The following GPRIN3 variants were observed in gnomAD, a reference collection of about 807,000 sequenced individuals.
GPRIN3 encodes the protein G protein-regulated inducer of neurite outgrowth 3.
Under a neutral mutation model 13.7 loss-of-function variants are expected in GPRIN3, and 12 were observed. The ratio of observed to expected loss-of-function variants is 0.87; its 90% CI spans 0.56 to 1.42. GPRIN3 has a LOEUF of 1.42. Among genes scored for constraint, GPRIN3 ranks in the 40% most tolerant of loss-of-function variants. The probability of loss-of-function intolerance (pLI) is 0.00; values close to 1 mark genes in which losing one functional copy is unlikely to be tolerated. For synonymous variants in GPRIN3, 377 were observed against 372.7 expected (o/e 1.01, Z -0.13); for missense variants, 1,009 against 958.7 (o/e 1.05, Z -0.69).
chr4:89,283,616 C>T (rs946973480), intron 1 of GPRIN3, among the ~76,000 whole-genome samples: 4 of 152,150 alleles, frequency 2.6e-5, no homozygotes, highest in East Asian at 1.9e-4. Context: ...TGGTAGAGCT[C>T]GGCATAGGGT....
rs773756446 is a variant in GPRIN3, at chr4:89,248,235, G to A, written c.1876C>T (p.Arg626Cys). The A allele has an allele frequency of 3.7e-5, 59 of 1,614,182 alleles. No individual in the cohort carries two copies. The highest frequency in any genetic ancestry group is 3.3e-4 in the Middle Eastern group (2 of 6,062). ...SPGSGKKTPS[R>C]SVKASPRRPS... ...CTGCGTGGGCTGGCTTTGACGGAGC[G>A]AGATGGGGTCTTCTTGCCAGAACCT... Residue 626 changes from arginine to cysteine, a missense_variant, in exon 2 of 2, where the codon CGC becomes TGC. Arg to Cys is a radical substitution (Grantham distance 180). Coordinates refer to ENST00000609438, the MANE Select transcript of GPRIN3 (RefSeq NM_198281.3).
rs771147221 is a variant in GPRIN3 at position 89,250,103 on chromosome 4, G to A, written c.8C>T (p.Thr3Ile). 1.2e-6 allele frequency: 2 copies of A among 1,611,580 alleles called. No homozygotes were observed. Among genetic ancestry groups the A allele is most frequent in the South Asian group, 2.2e-5 (2 of 90,878 alleles). The change falls in exon 2 of 2, where the codon ACT (threonine) becomes ATT (isoleucine). Residue 3 changes from threonine to isoleucine, a missense_variant. By Grantham distance (89) the Thr-to-Ile change is moderately conservative. Coordinates refer to ENST00000609438, the MANE Select transcript of GPRIN3 (RefSeq NM_198281.3). MGTVPDPLRSAKT... is the reference protein window; with the variant it reads MGIVPDPLRSAKT... ...AGCTGATCTCAGAGGGTCAGGTACAGTCCCCATGGAATTTCTCTTCAGGAG... is the reference window on the plus strand; with the variant it reads ...AGCTGATCTCAGAGGGTCAGGTACAATCCCCATGGAATTTCTCTTCAGGAG...
At chr4:89,252,601 A>C (rs1298615370) in intron 1 of GPRIN3, among the ~76,000 whole-genome samples, 1 of 152,230 alleles carries the variant, frequency 6.6e-6, no homozygotes, top group East Asian at 1.9e-4. Context: ...TTGAAAATAC[A>C]TAATTTTATC....
chr4:89,296,532 A>C (rs149362824), intron 1 of GPRIN3, among the ~76,000 whole-genome samples: 51 of 152,344 alleles, frequency 3.3e-4, no homozygotes, highest in African/African-American at 1.2e-3. Context: ...CTTAACTTTC[A>C]TAAGTAAATG....
intron 1 of GPRIN3, among the ~76,000 whole-genome samples, chr4:89,283,352 A>G (rs2149280501): frequency 6.6e-6 from 1 of 152,296 alleles, no homozygotes; most frequent in South Asian, 2.1e-4. Flanking sequence ...ATTGCTACAG[A>G]TTTCAATGGT....
At position 89,272,018 on chromosome 4, in the gene GPRIN3, G is replaced by T. The variant is rs186666181; in HGVS notation, c.-123-21785C>A. On this transcript the variant is annotated intron_variant, in intron 1 of 1. Transcript: ENST00000609438. ...TCCTTCCCATGTGAGGTTGTGGCAA[G>T]AAGACAGCTGTCAATGAACCAGAAA... 6.3e-3 allele frequency among the ~76,000 whole-genome samples: 953 copies of T among 152,308 alleles called. 18 individuals carry two copies. The highest frequency in any genetic ancestry group is 0.022 in the African/African-American group (897 of 41,562).
chr4:89,281,532 C>A (rs933093733), intron 1 of GPRIN3, among the ~76,000 whole-genome samples: 7 of 152,178 alleles, frequency 4.6e-5, no homozygotes, highest in African/African-American at 1.4e-4. Context: ...GCCCCATGAT[C>A]CAATCACCTC....
chr4:89,279,588 C>T (rs779262009), intron 1 of GPRIN3, among the ~76,000 whole-genome samples: 10 of 152,308 alleles, frequency 6.6e-5, no homozygotes, highest in Non-Finnish European at 1.0e-4. Flanking sequence ...TCTGCTATTC[C>T]GCTGAAACTG....
chr4:89,294,142 G>A (rs1443741794), intron 1 of GPRIN3, among the ~76,000 whole-genome samples: 2 of 152,112 alleles, frequency 1.3e-5, no homozygotes, highest in African/African-American at 4.8e-5. Context: ...TTTGAACTTC[G>A]GCATAATAAT....
chr4:89,238,667 T>C lies in GPRIN3; in HGVS notation c.*9113A>G, dbSNP rs1422986645. The C allele has an allele frequency of 6.6e-6, 1 of 152,250 alleles. No individual in the cohort carries two copies. The highest frequency in any genetic ancestry group is 1.9e-4 in the East Asian group (1 of 5,188). The allele number at this position is 152,250 out of a possible 1,614,324, so 9.4% of individuals were successfully genotyped here. On this transcript the variant is annotated 3_prime_UTR_variant, in exon 2 of 2. Coordinates refer to ENST00000609438, the MANE Select transcript of GPRIN3 (RefSeq NM_198281.3). ...CTCGCGTTTGATGACCAGGAGGAAT[T>C]GTTGATTCTATGGGAATTCTATTTT...
At chr4:89,294,736 A>G (rs1230214777) in intron 1 of GPRIN3, among the ~76,000 whole-genome samples, 1 of 152,206 alleles carries the variant, frequency 6.6e-6, no homozygotes, top group Non-Finnish European at 1.5e-5. Flanking sequence ...TAGAAACTCC[A>G]GCAGGAAACC....
In GPRIN3 at chr4:89,248,849, G is replaced by A. The variant is rs543542846; in HGVS notation, c.1262C>T (p.Ser421Leu). The A allele has an allele frequency of 1.5e-4, 240 of 1,614,174 alleles. 5 individuals are homozygous for A. In the South Asian group the frequency reaches 2.5e-3, roughly 17 times the overall value. ...ATTACTGGAGACCAAATTGATTGAT[G>A]AGGTTTTAAGGACCCCACCTGGTAG... ...ASLPGGVLKT[S>L]SINLVSSNAQ... The change falls in exon 2 of 2, where the codon TCA becomes TTA. Residue 421 changes from serine (S) to leucine (L), a missense_variant. By Grantham distance (145) the Ser-to-Leu change is moderately radical. Coordinates refer to ENST00000609438, the MANE Select transcript of GPRIN3 (RefSeq NM_198281.3).
In GPRIN3 at chr4:89,249,347, G is replaced by T. The variant is rs777441239; in HGVS notation, c.764C>A (p.Ser255Ter). 3.1e-5 allele frequency: 50 copies of T among 1,613,982 alleles called. 1 individual carries two copies. In the South Asian group the frequency reaches 5.3e-4, roughly 17 times the overall value. The change falls in exon 2 of 2, where the codon TCG (serine) becomes TAG (stop). Residue 255 changes from serine (S) to a stop codon, truncating the protein, a stop_gained. Transcript: ENST00000609438. LOFTEE classifies it low-confidence loss of function (END_TRUNC). ...SENKQPSVTA[S>*]GPQGTTSVTP... is the part of the protein sequence containing the mutation. ...CACAGAAGTTGTGCCTTGGGGGCCC[G>T]AGGCAGTGACAGAGGGCTGCTTGTT... is the stretch of plus-strand genomic sequence containing the variant.
At chr4:89,281,130 T>C (rs377429785) in intron 1 of GPRIN3, among the ~76,000 whole-genome samples, 61 of 147,638 alleles carry the variant, frequency 4.1e-4, no homozygotes, top group African/African-American at 1.5e-3. Context: ...AGTTTCATGT[T>C]TTTTTTTTTT....
Position 89,248,362 on chromosome 4 carries a change from G to A in GPRIN3, c.1749C>T (p.Ser583=). ...TGCTCTCCTGGTTCTTCCTAATTGG[G>A]GAGGGTGTAGGATTAGCAGCTGATT... The part of the protein sequence containing the change: ...GTESAANPTP[S]PIRKNQESTL... Residue 583 remains serine, a synonymous_variant, in exon 2 of 2, where the codon TCC becomes TCT. Coordinates refer to ENST00000609438, the MANE Select transcript of GPRIN3 (RefSeq NM_198281.3). 6.2e-7 allele frequency: 1 copy of A among 1,614,146 alleles called. No individual in the cohort carries two copies. Among genetic ancestry groups the A allele is most frequent in the Non-Finnish European group, 8.5e-7 (1 of 1,180,014 alleles).
chr4:89,280,106 C>G lies in GPRIN3; in HGVS notation c.-124+27509G>C, dbSNP rs541583535. Among the ~76,000 whole-genome samples the G allele has an allele frequency of 1.3e-4, 20 of 152,310 alleles. No homozygotes were observed. In the South Asian group the frequency reaches 4.1e-3, roughly 32 times the overall value. On this transcript the variant is annotated intron_variant, in intron 1 of 1. Coordinates refer to ENST00000609438, the MANE Select transcript of GPRIN3 (RefSeq NM_198281.3). ...ACTTCAAAGTCATTCTCGCCTCTCT[C>G]TCCTCATTGCTGACATCCAACTAAA...
chr4:89,305,938 A>T (rs1412551573), intron 1 of GPRIN3, among the ~76,000 whole-genome samples: 1 of 152,194 alleles, frequency 6.6e-6, no homozygotes, highest in Non-Finnish European at 1.5e-5. Context: ...AAGTCTAGTT[A>T]GTGATTAGGT....
At chr4:89,259,557 C>T (rs1362642317) in intron 1 of GPRIN3, among the ~76,000 whole-genome samples, 1 of 152,224 alleles carries the variant, frequency 6.6e-6, no homozygotes, top group Non-Finnish European at 1.5e-5. Context: ...ATGATCAAAG[C>T]TGCTCTGCAT....
At chr4:89,271,793 T>G (rs1447331381) in intron 1 of GPRIN3, among the ~76,000 whole-genome samples, 2 of 152,064 alleles carry the variant, frequency 1.3e-5, no homozygotes, top group Non-Finnish European at 2.9e-5. Flanking sequence ...ATACACGTCT[T>G]GAAGCCAGAA....
Sources: allele counts gnomAD v4.1 joint callset (sites outside exome capture counted in the v4.1 genomes callset), GRCh38; gene constraint gnomAD v4.1.1; transcripts MANE v1.5; gene names NCBI Gene and HGNC (gene_info 2026-07-23, HGNC 2026-07-21).